PKN2: variants seen among roughly 807,000 people sequenced by gnomAD.
PKN2 encodes protein kinase N2.
Under a neutral mutation model 119.1 loss-of-function variants are expected in PKN2, and 38 were observed. The ratio of observed to expected loss-of-function variants is 0.32; its 90% CI spans 0.25 to 0.42. The LOEUF is 0.42. PKN2 is among the 10% of genes least tolerant of loss of function. The pLI, the probability that PKN2 is intolerant of heterozygous loss-of-function variation, is 1.00. For synonymous variants in PKN2, 390 were observed against 384.9 expected (o/e 1.01, Z -0.15); for missense variants, 850 against 1,165.1 (o/e 0.73, Z 3.94).
chr1:88,693,518 T>C (rs2100650566), intron 1 of PKN2, among the ~76,000 whole-genome samples: 1 of 152,338 alleles, frequency 6.6e-6, no homozygotes, highest in South Asian at 2.1e-4. Context: ...AGTTTCTTTT[T>C]TCTCATCAGT....
intron 6 of PKN2, among the ~76,000 whole-genome samples, chr1:88,782,234 A>G (rs1227391740): frequency 2.6e-5 from 4 of 151,892 alleles, no homozygotes; most frequent in Non-Finnish European, 5.9e-5. Flanking sequence ...GGCTACTTTT[A>G]GTGTTTCTTG....
chr1:88,701,003 A>G (rs796202871), intron 1 of PKN2, among the ~76,000 whole-genome samples: 8 of 152,372 alleles, frequency 5.3e-5, no homozygotes, highest in African/African-American at 1.9e-4. Context: ...GTCATATAAT[A>G]ATTGAATTCC....
chr1:88,810,798 G>C (rs566410686), intron 15 of PKN2, among the ~76,000 whole-genome samples: 45 of 151,828 alleles, frequency 3.0e-4, no homozygotes, highest in African/African-American at 1.0e-3. Flanking sequence ...GTACAGACAG[G>C]GTTTCACCAT....
Position 88,784,696 on chromosome 1 carries a change from G to A in PKN2, c.1043G>A (p.Arg348Gln). The A allele has an allele frequency of 6.2e-7, 1 of 1,611,462 alleles. No homozygotes were observed. The highest frequency in any genetic ancestry group is 8.5e-7 in the Non-Finnish European group (1 of 1,178,564). Reference sequence around the variant, plus strand: ...GATATCCTAGAGAATGTCCCTGGACGGTCAAAAGCAACATCAGTTGCACTG... The same window carrying A: ...GATATCCTAGAGAATGTCCCTGGACAGTCAAAAGCAACATCAGTTGCACTG... ...CQDILENVPG[R>Q]SKATSVALPG... Residue 348 changes from arginine to glutamine, a missense_variant, in exon 7 of 22, where the codon CGG becomes CAG. This residue lies in a region of PKN2 where 350 missense variants were observed against 511.1 expected (regional missense o/e 0.68). Transcript: ENST00000370521.
chr1:88,809,722 A>G (rs992104156), intron 15 of PKN2, among the ~76,000 whole-genome samples: 2 of 152,182 alleles, frequency 1.3e-5, no homozygotes, highest in Non-Finnish European at 2.9e-5. Context: ...CCTGGGCTCA[A>G]GCCATCCTCC....
intron 1 of PKN2, among the ~76,000 whole-genome samples, chr1:88,718,791 A>G (rs577611504): frequency 1.3e-5 from 2 of 152,282 alleles, no homozygotes; most frequent in East Asian, 3.9e-4. Flanking sequence ...TTACTTTTGG[A>G]TAGCTTTCCC....
At chr1:88,778,730 T>C (rs1284381140) in intron 6 of PKN2, among the ~76,000 whole-genome samples, 3 of 152,016 alleles carry the variant, frequency 2.0e-5, no homozygotes, top group East Asian at 3.9e-4. Flanking sequence ...TTTTTTTTTT[T>C]CGAGACAGAG....
At chr1:88,723,417 C>CT (rs1379184778) in intron 1 of PKN2, among the ~76,000 whole-genome samples, 2 of 148,350 alleles carry the variant, frequency 1.3e-5, no homozygotes, top group Admixed American at 6.7e-5. Context: ...CCTGCCCCCC[C>CT]CCCTTTTATT....
intron 1 of PKN2, among the ~76,000 whole-genome samples, chr1:88,704,428 T>C (rs913633150): frequency 3.9e-5 from 6 of 152,200 alleles, no homozygotes; most frequent in African/African-American, 9.7e-5. Flanking sequence ...GTTTGAGATA[T>C]TACAAATAAA....
At position 88,691,914 on chromosome 1, in the gene PKN2, G is replaced by A. The variant is rs1666351792; in HGVS notation, c.48+7286G>A. Among the ~76,000 whole-genome samples the A allele has an allele frequency of 7.9e-5, 12 of 151,764 alleles. 1 individual carries two copies. The highest frequency in any genetic ancestry group is 7.2e-4 in the Admixed American group (11 of 15,200). ...TTAGTTATTGTTAATTGCTTACTGT[G>A]CCTAATTTATAAATTAAACTTTAGC... On this transcript the variant is annotated intron_variant, in intron 1 of 21. Transcript: ENST00000370521.
In PKN2 at chr1:88,791,822, T is replaced by C. The variant is rs944023785; in HGVS notation, c.1281+5609T>C. On this transcript the variant is annotated intron_variant, in intron 8 of 21. Coordinates refer to ENST00000370521, the MANE Select transcript of PKN2 (RefSeq NM_006256.4). ...ATATTTAGGGAAAATGGGGAAATTA[T>C]TTCTCATAGCAACCATGGCAGTGAG... Among the ~76,000 whole-genome samples the C allele has an allele frequency of 2.0e-5, 3 of 152,296 alleles. No homozygotes were observed. In the South Asian group the frequency reaches 6.2e-4, roughly 32 times the overall value.
chr1:88,816,531 GCCA>G (rs1484021806), intron 16 of PKN2, among the ~76,000 whole-genome samples: 1 of 152,188 alleles, frequency 6.6e-6, no homozygotes, highest in African/African-American at 2.4e-5. Context: ...ACAGGCATGA[GCCA>G]CCACACCTGG....
At position 88,807,521 on chromosome 1, in the gene PKN2, CTT is replaced by C; in HGVS notation, c.1935-5_1935-4del. 1 of 1,608,994 alleles carries C rather than the reference CTT, an allele frequency of 6.2e-7. No individual in the cohort carries two copies. The highest frequency in any genetic ancestry group is 1.1e-5 in the South Asian group (1 of 90,260). On this transcript the variant is annotated splice_region_variant and splice_polypyrimidine_tract_variant and intron_variant, in intron 13 of 21. Coordinates refer to ENST00000370521, the MANE Select transcript of PKN2 (RefSeq NM_006256.4). The stretch of plus-strand genomic sequence containing the variant: ...TGTCTTATTATTAATTGAAATTTCT[CTT>C]TTCAGATCTCAGCAAAGGTTTCAGT...
intron 16 of PKN2, among the ~76,000 whole-genome samples, chr1:88,818,134 C>T (rs1672088860): frequency 6.6e-6 from 1 of 152,080 alleles, no homozygotes; most frequent in Non-Finnish European, 1.5e-5. Flanking sequence ...GAATAAAATA[C>T]CTAGGAATAC....
chr1:88,829,128 G>A lies in PKN2; in HGVS notation c.2562+505G>A, dbSNP rs543004045. 738 of 735,032 alleles carry A rather than the reference G, an allele frequency of 1.0e-3. 15 individuals are homozygous for A. Among genetic ancestry groups the A allele is most frequent in the South Asian group, 9.7e-3 (712 of 73,388 alleles). The allele number at this position is 735,032 out of a possible 1,614,324, so 45.5% of individuals were successfully genotyped here. A position where few individuals can be genotyped will look rare whatever the true frequency, so the allele number is the denominator to read the frequency against. Reference sequence around the variant, plus strand: ...TGGATGGAGAGAGGAGAAAACCTATGGTAGCTGTGAAGGCCCTGATGCCAT... The same window carrying A: ...TGGATGGAGAGAGGAGAAAACCTATAGTAGCTGTGAAGGCCCTGATGCCAT... On this transcript the variant is annotated intron_variant, in intron 19 of 21. Coordinates refer to ENST00000370521, the MANE Select transcript of PKN2 (RefSeq NM_006256.4).
At chr1:88,804,823 A>G in intron 9 of PKN2, 23 bp from the exon 10 acceptor site, 2 of 1,308,508 alleles carry the variant, frequency 1.5e-6, no homozygotes, top group Non-Finnish European at 2.2e-6. Flanking sequence ...TTTTCATGTC[A>G]ACTTGAATTT....
rs899663224 is a variant in PKN2 at position 88,836,011 on chromosome 1, C to T, written c.*2563C>T. The T allele has an allele frequency of 5.3e-5, 8 of 152,050 alleles. No individual in the cohort carries two copies. Among genetic ancestry groups the T allele is most frequent in the Admixed American group, 2.0e-4 (3 of 15,252 alleles). 9.4% of individuals were successfully genotyped at this position (152,050 alleles called of 1,614,324 possible). A position where few individuals can be genotyped will look rare whatever the true frequency, so the allele number is the denominator to read the frequency against. ...AATAATGGGAAAAGTTTGTATTCTGCTCCTGTAAGGTCAGTAGCATCTTTT... is the reference window on the plus strand; with the variant it reads ...AATAATGGGAAAAGTTTGTATTCTGTTCCTGTAAGGTCAGTAGCATCTTTT... On this transcript the variant is annotated 3_prime_UTR_variant, in exon 22 of 22. Coordinates refer to ENST00000370521, the MANE Select transcript of PKN2 (RefSeq NM_006256.4).
rs1672861909 is a variant in PKN2, at chr1:88,834,454, ATTAT to A, written c.*1010_*1013del. The A allele has an allele frequency of 6.6e-6, 1 of 152,454 alleles. No individual in the cohort carries two copies. The highest frequency in any genetic ancestry group is 1.5e-5 in the Non-Finnish European group (1 of 67,948). The allele number at this position is 152,454 out of a possible 1,614,324, so 9.4% of individuals were successfully genotyped here. A position where few individuals can be genotyped will look rare whatever the true frequency, so the allele number is the denominator to read the frequency against. ...TTAATGTATTCTATGTTGTAGGCTT[ATTAT>A]TTAATTTTACCACTTCATCACTTTT... On this transcript the variant is annotated 3_prime_UTR_variant, in exon 22 of 22. Coordinates refer to ENST00000370521, the MANE Select transcript of PKN2 (RefSeq NM_006256.4).
At chr1:88,730,775 A>AT (rs1668117704) in intron 1 of PKN2, among the ~76,000 whole-genome samples, 2 of 152,274 alleles carry the variant, frequency 1.3e-5, no homozygotes, top group East Asian at 1.9e-4. Flanking sequence ...ATGAAAGCAT[A>AT]TTTTTTCAGT....
Sources: allele counts gnomAD v4.1 joint callset (sites outside exome capture counted in the v4.1 genomes callset), GRCh38; gene constraint gnomAD v4.1.1; regional missense constraint gnomAD v4.1.1; transcripts MANE v1.5; gene names NCBI Gene and HGNC (gene_info 2026-07-23, HGNC 2026-07-21).